The following SH3TC2 variants were observed in gnomAD, a reference collection of about 807,000 sequenced individuals.
SH3TC2 encodes SH3 domain and tetratricopeptide repeat-containing protein 2.
SH3TC2 carries 87 observed loss-of-function variants against 124.5 expected under a neutral mutation model. That is an observed-to-expected ratio of 0.70 (90% CI 0.59 to 0.84). The LOEUF is 0.84. Ranked by LOEUF, SH3TC2 falls within the 40% of genes least tolerant of loss-of-function variation. The probability of loss-of-function intolerance (pLI) is 0.00; values close to 1 mark genes in which losing one functional copy is unlikely to be tolerated. For missense variants in SH3TC2, 1,536 were observed against 1,566.4 expected (o/e 0.98, Z 0.33); for synonymous variants, 634 against 628.5 (o/e 1.01, Z -0.13).
chr5:149,061,857 C>T lies in SH3TC2; in HGVS notation c.52+1114G>A, dbSNP rs184047590. 2.4e-3 allele frequency among the ~76,000 whole-genome samples: 370 copies of T among 152,070 alleles called. 1 individual carries two copies. Among genetic ancestry groups the T allele is most frequent in the African/African-American group, 8.5e-3 (354 of 41,484 alleles). On this transcript the variant is annotated intron_variant, in intron 1 of 16. Transcript: ENST00000515425. ...TTTACATCTGAGAAATCTGGAGAAGCGAAATTGTTCATAGCTAAAGTCGTG... is the reference window on the plus strand; with the variant it reads ...TTTACATCTGAGAAATCTGGAGAAGTGAAATTGTTCATAGCTAAAGTCGTG...
chr5:149,035,039 C>T (rs1452997169), intron 8 of SH3TC2, among the ~76,000 whole-genome samples: 1 of 152,046 alleles, frequency 6.6e-6, no homozygotes, highest in Non-Finnish European at 1.5e-5. Context: ...AAAATAGATA[C>T]TCTATGAAGA....
chr5:148,983,906 G>A lies in SH3TC2; in HGVS notation c.*20805C>T, dbSNP rs1295833244. The stretch of plus-strand genomic sequence containing the variant: ...AACAGGGAAAGCACATCCAAGAGAT[G>A]GTGACATCTTTGAGGTACTATCAAC... On this transcript the variant is annotated 3_prime_UTR_variant, in exon 17 of 17. Transcript: ENST00000515425. Among the ~76,000 whole-genome samples the A allele has an allele frequency of 6.6e-6, 1 of 152,150 alleles. No homozygotes were observed. The highest frequency in any genetic ancestry group is 1.5e-5 in the Non-Finnish European group (1 of 68,024).
At chr5:149,035,895 A>G (rs915146625) in intron 8 of SH3TC2, 5 of 152,186 alleles carry the variant, frequency 3.3e-5, no homozygotes, top group African/African-American at 1.2e-4. Context: ...GCAGAAGTCC[A>G]AATATAAGTT....
chr5:149,058,930 CAG>C (rs1754698477), intron 1 of SH3TC2, among the ~76,000 whole-genome samples: 1 of 151,998 alleles, frequency 6.6e-6, no homozygotes, highest in South Asian at 2.1e-4. Flanking sequence ...GCACAATAGG[CAG>C]AGAGACCAGC....
Position 148,995,065 on chromosome 5 carries a change from T to C in SH3TC2, c.*9646A>G, listed in dbSNP as rs1753486926. 6.6e-6 allele frequency among the ~76,000 whole-genome samples: 1 copy of C among 152,196 alleles called. No homozygotes were observed. Among genetic ancestry groups the C allele is most frequent in the South Asian group, 2.1e-4 (1 of 4,838 alleles). On this transcript the variant is annotated 3_prime_UTR_variant, in exon 17 of 17. Transcript: ENST00000515425. ...ATCACTGAAGGGATTTCCTGTGGTA[T>C]TTGGTGCAATAAGGCTTATATAAGC... is the stretch of plus-strand genomic sequence containing the variant.
rs1252250969 is a variant in SH3TC2 at position 149,048,037 on chromosome 5, AG to A, written c.152-49del. ...GGATCAGGCTGAAAATAGAATAAAA[AG>A]GAAGAAAGAGTTAGATTAGCCCACA... On this transcript the variant is annotated intron_variant, in intron 2 of 16. Coordinates refer to ENST00000515425, the MANE Select transcript of SH3TC2 (RefSeq NM_024577.4). 3.7e-6 allele frequency: 6 copies of A among 1,610,630 alleles called. No homozygotes were observed. The South Asian group carries it at 6.6e-5, about 18-fold the overall frequency.
intron 1 of SH3TC2, 58 bp from the exon 2 acceptor site, chr5:149,052,298 A>T: frequency 1.5e-6 from 2 of 1,347,456 alleles, no homozygotes; most frequent in Non-Finnish European, 2.1e-6. Flanking sequence ...AAAGCAAGTT[A>T]TAAGCAAGGC....
chr5:149,003,275 C>T lies in SH3TC2; in HGVS notation c.*1436G>A, dbSNP rs1425900400. On this transcript the variant is annotated 3_prime_UTR_variant, in exon 17 of 17. Coordinates refer to ENST00000515425, the MANE Select transcript of SH3TC2 (RefSeq NM_024577.4). ...AATAGGCAAGACTAAGGAGATGTCA[C>T]TTCTGTGATCAGGTTATAGAAAGAG... 1.3e-5 allele frequency: 2 copies of T among 152,332 alleles called. No individual in the cohort carries two copies. The highest frequency in any genetic ancestry group is 6.5e-5 in the Admixed American group (1 of 15,288). The allele number at this position is 152,332 out of a possible 1,614,324, so 9.4% of individuals were successfully genotyped here. A position where few individuals can be genotyped will look rare whatever the true frequency, so the allele number is the denominator to read the frequency against.
rs116508083 is a variant in SH3TC2, at chr5:148,988,316, C to A, written c.*16395G>T. On this transcript the variant is annotated 3_prime_UTR_variant, in exon 17 of 17. Coordinates refer to ENST00000515425, the MANE Select transcript of SH3TC2 (RefSeq NM_024577.4). Reference sequence around the variant, plus strand: ...GTAAAGCTGCCTTACTATCTAGTCCCCAAGATAGCCCCAAGTGAACCAGGC... The same window carrying A: ...GTAAAGCTGCCTTACTATCTAGTCCACAAGATAGCCCCAAGTGAACCAGGC... Among the ~76,000 whole-genome samples, 851 of 152,248 alleles carry A rather than the reference C, an allele frequency of 5.6e-3. 2 individuals are homozygous for A. Among genetic ancestry groups the A allele is most frequent in the Non-Finnish European group, 8.5e-3 (581 of 68,022 alleles).
At position 148,984,366 on chromosome 5, in the gene SH3TC2, A is replaced by G. The variant is rs912882301; in HGVS notation, c.*20345T>C. On this transcript the variant is annotated 3_prime_UTR_variant, in exon 17 of 17. Transcript: ENST00000515425. ...TTCATTATACATTATAAATATATACAATTATTATTTATCAATTAAAAATAC... is the reference window on the plus strand; with the variant it reads ...TTCATTATACATTATAAATATATACGATTATTATTTATCAATTAAAAATAC... Among the ~76,000 whole-genome samples, 2 of 152,028 alleles carry G rather than the reference A, an allele frequency of 1.3e-5. No individual in the cohort carries two copies. Among genetic ancestry groups the G allele is most frequent in the Non-Finnish European group, 2.9e-5 (2 of 68,012 alleles).
At chr5:149,023,451 T>G (rs1754009527) in intron 12 of SH3TC2, among the ~76,000 whole-genome samples, 1 of 152,136 alleles carries the variant, frequency 6.6e-6, no homozygotes, top group Non-Finnish European at 1.5e-5. Context: ...TATATAAACT[T>G]TAAAATGCAT....
intron 12 of SH3TC2, among the ~76,000 whole-genome samples, chr5:149,021,740 A>G (rs1274471383): frequency 7.2e-5 from 11 of 152,094 alleles, no homozygotes; most frequent in Non-Finnish European, 1.6e-4. Context: ...TAAACCTATA[A>G]CAACTAATGA....
chr5:148,982,544 A>C lies in SH3TC2; in HGVS notation c.*22167T>G, dbSNP rs1340448862. 6.6e-6 allele frequency among the ~76,000 whole-genome samples: 1 copy of C among 152,226 alleles called. No individual in the cohort carries two copies. The highest frequency in any genetic ancestry group is 1.5e-5 in the Non-Finnish European group (1 of 68,040). On this transcript the variant is annotated 3_prime_UTR_variant, in exon 17 of 17. Coordinates refer to ENST00000515425, the MANE Select transcript of SH3TC2 (RefSeq NM_024577.4). The stretch of plus-strand genomic sequence containing the variant: ...AAACTGTTATTCCCATCATGCAAGG[A>C]GATACTTTACAGCTGTAAAAATGAA...
chr5:149,024,928 T>C (rs923098795), intron 12 of SH3TC2, among the ~76,000 whole-genome samples: 1 of 152,160 alleles, frequency 6.6e-6, no homozygotes, highest in Non-Finnish European at 1.5e-5. Context: ...AGGATGGCAG[T>C]GGAGTAGGTG....
intron 8 of SH3TC2, among the ~76,000 whole-genome samples, chr5:149,037,677 T>C (rs36070): frequency 0.24 from 36,560 of 152,124 alleles, 4,957 homozygotes; most frequent in African/African-American, 0.36. Flanking sequence ...TCCAAAAAGA[T>C]GGAGCAATAC....
At position 148,985,217 on chromosome 5, in the gene SH3TC2, G is replaced by A. The variant is rs1223725061; in HGVS notation, c.*19494C>T. Among the ~76,000 whole-genome samples the A allele has an allele frequency of 6.6e-6, 1 of 151,276 alleles. No homozygotes were observed. Among genetic ancestry groups the A allele is most frequent in the African/African-American group, 2.4e-5 (1 of 41,216 alleles). ...CGCAAAAATATATTACTACTCATTT[G>A]AGGGTACCCTGTTATGAAGGTATAA... On this transcript the variant is annotated 3_prime_UTR_variant, in exon 17 of 17. Transcript: ENST00000515425.
In SH3TC2 at chr5:148,994,758, G is replaced by A. The variant is rs535186520; in HGVS notation, c.*9953C>T. On this transcript the variant is annotated 3_prime_UTR_variant, in exon 17 of 17. Coordinates refer to ENST00000515425, the MANE Select transcript of SH3TC2 (RefSeq NM_024577.4). ...TGGATGAATAGATGGATGAATAGAT[G>A]GATGAATAGATGGATAACCGTCTGC... Among the ~76,000 whole-genome samples, 70 of 152,120 alleles carry A rather than the reference G, an allele frequency of 4.6e-4. No homozygotes were observed. Among genetic ancestry groups the A allele is most frequent in the Admixed American group, 2.5e-3 (38 of 15,254 alleles).
intron 2 of SH3TC2, among the ~76,000 whole-genome samples, chr5:149,050,728 C>T (rs1001228202): frequency 2.6e-5 from 4 of 152,128 alleles, no homozygotes; most frequent in Admixed American, 2.6e-4. Context: ...CTGAACATGC[C>T]CGATCTCATC....
At chr5:149,018,902 T>A (rs1301820758) in intron 12 of SH3TC2, among the ~76,000 whole-genome samples, 1 of 152,178 alleles carries the variant, frequency 6.6e-6, no homozygotes, top group Non-Finnish European at 1.5e-5. Flanking sequence ...CCCTGACAGA[T>A]CACCCCCATC....
Sources: allele counts gnomAD v4.1 joint callset (sites outside exome capture counted in the v4.1 genomes callset), GRCh38; gene constraint gnomAD v4.1.1; transcripts MANE v1.5; gene names NCBI Gene and HGNC (gene_info 2026-07-23, HGNC 2026-07-21).